The following DYNC1I1 variants were observed in gnomAD, a reference collection of about 807,000 sequenced individuals.
The protein encoded by DYNC1I1 is dynein cytoplasmic 1 intermediate chain 1.
A neutral mutation model predicts 86.6 loss-of-function variants in DYNC1I1; 43 were observed. The observed-to-expected ratio is 0.50, with a 90% CI of 0.39 to 0.64. The LOEUF is 0.64. Ranked by LOEUF, DYNC1I1 falls within the 30% of genes least tolerant of loss-of-function variation. The pLI, the probability that DYNC1I1 is intolerant of heterozygous loss-of-function variation, is 0.00. For missense variants in DYNC1I1, 604 were observed against 788.8 expected, an observed-to-expected ratio of 0.77 and a Z score of 2.81; for synonymous variants, 262 against 283.7, an observed-to-expected ratio of 0.92 and a Z score of 0.77.
intron 16 of DYNC1I1, among the ~76,000 whole-genome samples, chr7:96,093,384 T>A (rs2116321566): frequency 6.6e-6 from 1 of 152,262 alleles, no homozygotes; most frequent in East Asian, 1.9e-4. Context: ...CCTGTCCAAA[T>A]CTGAGGTTCA....
At chr7:95,987,001 T>C in intron 8 of DYNC1I1, 55 bp from the exon 9 acceptor site, 1 of 1,515,438 alleles carries the variant, frequency 6.6e-7, no homozygotes, top group Non-Finnish European at 9.1e-7. Context: ...TGCTTCTATA[T>C]GAGCAGCATA....
rs549401689 is a variant in DYNC1I1 at position 95,903,037 on chromosome 7, G to A, written c.490+33039G>A. 2.6e-5 allele frequency among the ~76,000 whole-genome samples: 4 copies of A among 152,246 alleles called. No individual in the cohort carries two copies. In the South Asian group the frequency reaches 8.3e-4, roughly 32 times the overall value. On this transcript the variant is annotated intron_variant, in intron 6 of 16. Transcript: ENST00000447467. ...TAATTTAGTTGAGCCTTGTGCAATT[G>A]TTAATGGGCATGAGATAGCCTAGTG...
At chr7:95,951,988 A>G (rs1467334433) in intron 6 of DYNC1I1, among the ~76,000 whole-genome samples, 1 of 152,196 alleles carries the variant, frequency 6.6e-6, no homozygotes, top group Non-Finnish European at 1.5e-5. Flanking sequence ...AAAGAAAACC[A>G]TCTTCACAAA....
chr7:95,861,390 A>G (rs918117372), intron 5 of DYNC1I1, among the ~76,000 whole-genome samples: 11 of 152,164 alleles, frequency 7.2e-5, no homozygotes, highest in Admixed American at 4.6e-4. Context: ...AAAATATTCA[A>G]CTAATCTCAG....
At chr7:95,839,092 G>T (rs1470080510) in intron 5 of DYNC1I1, among the ~76,000 whole-genome samples, 1 of 151,982 alleles carries the variant, frequency 6.6e-6, no homozygotes, top group African/African-American at 2.4e-5. Flanking sequence ...GTGCAGTGGT[G>T]CGATCTTGGC....
At chr7:95,882,589 G>A (rs1030656751) in intron 6 of DYNC1I1, among the ~76,000 whole-genome samples, 2 of 152,148 alleles carry the variant, frequency 1.3e-5, no homozygotes, top group African/African-American at 4.8e-5. Flanking sequence ...GGGTGGGCTG[G>A]CAGTAACACA....
rs574631848 is a variant in DYNC1I1, at chr7:96,001,611, G to A, written c.969+5538G>A. On this transcript the variant is annotated intron_variant, in intron 10 of 16. Coordinates refer to ENST00000447467, the MANE Select transcript of DYNC1I1 (RefSeq NM_001135556.2). ...TAACTGGTAAGGTTATACTGTGTGC[G>A]TAGCCTTACACATAATGTAATCTGT... is the stretch of plus-strand genomic sequence containing the variant. Among the ~76,000 whole-genome samples, 6 of 152,294 alleles carry A rather than the reference G, an allele frequency of 3.9e-5. No homozygotes were observed. In the East Asian group the frequency reaches 7.7e-4, roughly 20 times the overall value.
At chr7:96,089,100 T>G (rs766534519) in intron 16 of DYNC1I1, among the ~76,000 whole-genome samples, 2 of 150,234 alleles carry the variant, frequency 1.3e-5, no homozygotes, top group South Asian at 2.1e-4. Flanking sequence ...GAACATAAAC[T>G]AATATTTTCA....
At chr7:95,931,078 T>C (rs796477912) in intron 6 of DYNC1I1, among the ~76,000 whole-genome samples, 14 of 152,370 alleles carry the variant, frequency 9.2e-5, no homozygotes, top group African/African-American at 3.1e-4. Context: ...GTGAAATATT[T>C]TCTAATTATT....
At chr7:95,854,495 AACAAATTATTGT>A (rs1789664614) in intron 5 of DYNC1I1, among the ~76,000 whole-genome samples, 1 of 152,078 alleles carries the variant, frequency 6.6e-6, no homozygotes, top group Non-Finnish European at 1.5e-5. Flanking sequence ...CATATCCCTT[AACAAATTATTGT>A]TTCTCTTGTT....
intron 6 of DYNC1I1, among the ~76,000 whole-genome samples, chr7:95,936,105 T>C (rs1454295447): frequency 2.0e-5 from 3 of 151,974 alleles, no homozygotes; most frequent in Non-Finnish European, 2.9e-5. Context: ...AACTGCTAAA[T>C]AGGCAAGCAA....
chr7:96,019,339 T>TGTG (rs1276996767), intron 10 of DYNC1I1, among the ~76,000 whole-genome samples: 1 of 152,046 alleles, frequency 6.6e-6, no homozygotes, highest in African/African-American at 2.4e-5. Flanking sequence ...TTCCAGCCTC[T>TGTG]GGTAACCAAT....
chr7:95,895,426 C>T (rs759287169), intron 6 of DYNC1I1, among the ~76,000 whole-genome samples: 14 of 152,070 alleles, frequency 9.2e-5, no homozygotes, highest in Non-Finnish European at 1.3e-4. Context: ...TGTGGTTGTA[C>T]GAGGATCAGC....
chr7:95,877,711 C>T (rs990069463), intron 6 of DYNC1I1, among the ~76,000 whole-genome samples: 20 of 152,232 alleles, frequency 1.3e-4, no homozygotes, highest in Non-Finnish European at 2.9e-5. Flanking sequence ...GGAAAACAGA[C>T]AGCTAAGAAG....
intron 9 of DYNC1I1, 144 bp downstream of exon 9, chr7:95,987,299 T>G (rs1443077660): frequency 2.9e-6 from 2 of 701,030 alleles, no homozygotes; most frequent in African/African-American, 3.6e-5. Context: ...AGGTTTCAGT[T>G]TCAATTCTCT....
At chr7:95,892,084 C>T (rs1690621171) in intron 6 of DYNC1I1, among the ~76,000 whole-genome samples, 1 of 152,148 alleles carries the variant, frequency 6.6e-6, no homozygotes, top group Admixed American at 6.5e-5. Flanking sequence ...TCTTCTGCCT[C>T]AGCCTCCTAA....
At chr7:95,804,868 G>A in intron 2 of DYNC1I1, 31 bp downstream of exon 2, 1 of 1,531,972 alleles carries the variant, frequency 6.5e-7, no homozygotes. Flanking sequence ...TGTTGTGGGG[G>A]AAAAAGGAAA....
In DYNC1I1 at chr7:95,869,962, G is replaced by A. The variant is rs1253400339; in HGVS notation, c.454G>A (p.Glu152Lys). The change falls in exon 6 of 17, where the codon GAG becomes AAG. Residue 152 changes from glutamate (E) to lysine (K), a missense_variant. By Grantham distance (56) the Glu-to-Lys change is moderately conservative (BLOSUM62 1). Transcript: ENST00000447467. The part of the protein sequence containing the change: ...LPREVVSYSK[E>K]TQTPLATHQS... Reference sequence around the variant, plus strand: ...AAGGGAAGTAGTGTCCTACTCAAAGGAGACCCAGACTCCTCTTGCCACGCA... The same window carrying A: ...AAGGGAAGTAGTGTCCTACTCAAAGAAGACCCAGACTCCTCTTGCCACGCA... 1 of 1,613,978 alleles carries A rather than the reference G, an allele frequency of 6.2e-7. No homozygotes were observed. Among genetic ancestry groups the A allele is most frequent in the Non-Finnish European group, 8.5e-7 (1 of 1,179,926 alleles).
chr7:95,909,780 C>A (rs1301159362), intron 6 of DYNC1I1, among the ~76,000 whole-genome samples: 1 of 152,100 alleles, frequency 6.6e-6, no homozygotes, highest in Middle Eastern at 3.2e-3. Context: ...TTTGCCTCTT[C>A]GAGCTTGGCA....
Sources: allele counts gnomAD v4.1 joint callset (sites outside exome capture counted in the v4.1 genomes callset), GRCh38; gene constraint gnomAD v4.1.1; transcripts MANE v1.5; gene names NCBI Gene and HGNC (gene_info 2026-07-23, HGNC 2026-07-21).